The following ASTN2 variants were observed in gnomAD, a reference collection of about 807,000 sequenced individuals.
ASTN2 encodes astrotactin 2.
A neutral mutation model predicts 139.8 loss-of-function variants in ASTN2; 54 were observed. That is an observed-to-expected ratio of 0.39 (90% CI 0.31 to 0.48). The LOEUF is 0.48. Among genes scored for constraint, ASTN2 ranks in the 20% least tolerant of loss-of-function variants. The pLI, the probability that ASTN2 is intolerant of heterozygous loss-of-function variation, is 0.95. For missense variants in ASTN2, 1,565 were observed against 1,725.1 expected (o/e 0.91, Z 1.64); for synonymous variants, 756 against 719.5 (o/e 1.05, Z -0.81).
chr9:117,009,595 A>T (rs2132589119), intron 6 of ASTN2, among the ~76,000 whole-genome samples: 1 of 152,326 alleles, frequency 6.6e-6, no homozygotes, highest in East Asian at 1.9e-4. Flanking sequence ...GACTGATGGC[A>T]GATCTAGAGA....
Position 117,317,371 on chromosome 9 carries a change from G to A in ASTN2, c.443-25858C>T, listed in dbSNP as rs77759861. On this transcript the variant is annotated intron_variant, in intron 1 of 22. Transcript: ENST00000313400. ...ATGACAGGACTAAAATGGAACTTAG[G>A]GGTGGCCCTATCTAGATATTATTCT... Among the ~76,000 whole-genome samples, 1,350 of 152,266 alleles carry A rather than the reference G, an allele frequency of 8.9e-3. 18 individuals carry two copies. Among genetic ancestry groups the A allele is most frequent in the African/African-American group, 0.031 (1,274 of 41,546 alleles).
intron 20 of ASTN2, among the ~76,000 whole-genome samples, chr9:116,483,521 A>G (rs1461682601): frequency 6.6e-5 from 10 of 152,170 alleles, no homozygotes; most frequent in African/African-American, 2.4e-5. Context: ...AGGACCAAGA[A>G]ACTGAGATAC....
intron 13 of ASTN2, among the ~76,000 whole-genome samples, chr9:116,749,930 G>A (rs1345231973): frequency 3.9e-5 from 6 of 152,086 alleles, no homozygotes; most frequent in Non-Finnish European, 7.4e-5. Context: ...CTTCCCAAAA[G>A]CAGATGCTGG....
chr9:116,852,831 T>C (rs191126913), intron 11 of ASTN2, among the ~76,000 whole-genome samples: 316 of 151,104 alleles, frequency 2.1e-3, no homozygotes, highest in Non-Finnish European at 2.6e-3. Flanking sequence ...GCTCTTGTGC[T>C]CTTTAGCCTC....
intron 1 of ASTN2, among the ~76,000 whole-genome samples, chr9:117,398,891 C>T (rs1414706188): frequency 1.3e-5 from 2 of 152,202 alleles, no homozygotes; most frequent in Admixed American, 6.5e-5. Flanking sequence ...AAGCAATTCT[C>T]CTACCTCAGC....
intron 19 of ASTN2, among the ~76,000 whole-genome samples, chr9:116,495,867 G>T (rs927579444): frequency 1.6e-4 from 25 of 152,016 alleles, no homozygotes; most frequent in African/African-American, 3.4e-4. Flanking sequence ...TGCTTCCTCG[G>T]GCCCCTTCTT....
At chr9:117,331,266 G>A (rs1005622895) in intron 1 of ASTN2, among the ~76,000 whole-genome samples, 1 of 152,162 alleles carries the variant, frequency 6.6e-6, no homozygotes, top group Non-Finnish European at 1.5e-5. Context: ...TTCAGGCTTA[G>A]AGCCCGAGGT....
intron 2 of ASTN2, among the ~76,000 whole-genome samples, chr9:117,234,417 C>T (rs920592407): frequency 3.3e-5 from 5 of 152,276 alleles, no homozygotes; most frequent in Middle Eastern, 3.4e-3. Flanking sequence ...TGTCTCCTAC[C>T]GTGCTGAACA....
chr9:116,629,848 A>G (rs1466361439), intron 17 of ASTN2, among the ~76,000 whole-genome samples: 2 of 152,144 alleles, frequency 1.3e-5, no homozygotes, highest in African/African-American at 4.8e-5. Flanking sequence ...AAAAAATATT[A>G]GAGAAATAAA....
intron 19 of ASTN2, among the ~76,000 whole-genome samples, chr9:116,530,121 ATATATATATATATATATATATATATATAT>A (rs1851268186): frequency 4.3e-5 from 2 of 46,370 alleles, no homozygotes; most frequent in African/African-American, 2.0e-4. Flanking sequence ...ATATATATAT[ATATATATATATATATATATATATATATAT>A]AAAATAGAAT....
intron 3 of ASTN2, among the ~76,000 whole-genome samples, chr9:117,142,717 T>A (rs1175470529): frequency 6.6e-6 from 1 of 151,572 alleles, no homozygotes; most frequent in Non-Finnish European, 1.5e-5. Flanking sequence ...CAGAAAAGCT[T>A]GAGAAGGAAG....
intron 17 of ASTN2, among the ~76,000 whole-genome samples, chr9:116,646,637 C>T (rs60847503): frequency 3.3e-5 from 5 of 152,044 alleles, no homozygotes; most frequent in African/African-American, 1.2e-4. Flanking sequence ...GGCACTCCAT[C>T]CCTTAGGCTG....
intron 1 of ASTN2, among the ~76,000 whole-genome samples, chr9:117,330,785 C>T (rs1021568018): frequency 6.6e-6 from 1 of 152,184 alleles, no homozygotes; most frequent in Admixed American, 6.5e-5. Flanking sequence ...AACCATGAAA[C>T]TGAGTCCTGT....
In ASTN2 at chr9:116,523,203, CT is replaced by C. The variant is rs775154721; in HGVS notation, c.3356-35704del. Among the ~76,000 whole-genome samples the C allele has an allele frequency of 6.6e-3, 958 of 144,328 alleles. 3 individuals are homozygous for C. Among genetic ancestry groups the C allele is most frequent in the African/African-American group, 6.8e-3 (267 of 39,544 alleles). The allele number at this position is 144,328 out of a possible 152,430, so 94.7% of individuals were successfully genotyped here. A position where few individuals can be genotyped will look rare whatever the true frequency, so the allele number is the denominator to read the frequency against. Reference sequence around the variant, plus strand: ...CAAGCCCATTATATAATTCAGAGACCTTTTTTTTTTTTTAACGACAGTTATA... The same window carrying C: ...CAAGCCCATTATATAATTCAGAGACCTTTTTTTTTTTTAACGACAGTTATA... On this transcript the variant is annotated intron_variant, in intron 19 of 22. Coordinates refer to ENST00000313400, the MANE Select transcript of ASTN2 (RefSeq NM_001365068.1).
At chr9:116,451,465 G>A (rs1411125846) in intron 20 of ASTN2, among the ~76,000 whole-genome samples, 1 of 151,840 alleles carries the variant, frequency 6.6e-6, no homozygotes, top group Non-Finnish European at 1.5e-5. Flanking sequence ...AAAAAAAAGA[G>A]TGGGGTTTTT....
chr9:117,025,353 GC>G (rs550838909), intron 6 of ASTN2, among the ~76,000 whole-genome samples: 2 of 152,048 alleles, frequency 1.3e-5, no homozygotes, highest in African/African-American at 4.8e-5. Context: ...CTGTACTCAT[GC>G]CCCCCCTTTT....
chr9:117,132,684 C>T (rs1229207391), intron 4 of ASTN2, among the ~76,000 whole-genome samples: 2 of 152,188 alleles, frequency 1.3e-5, no homozygotes, highest in Non-Finnish European at 1.5e-5. Context: ...TTTCTTATGT[C>T]TCAGTACAAT....
At chr9:117,268,239 T>A (rs962861498) in intron 2 of ASTN2, among the ~76,000 whole-genome samples, 8 of 152,192 alleles carry the variant, frequency 5.3e-5, no homozygotes, top group African/African-American at 1.9e-4. Context: ...CCAGCCCTTG[T>A]CATGAAACAG....
chr9:117,227,953 G>A (rs929836615), intron 2 of ASTN2, among the ~76,000 whole-genome samples: 5 of 152,120 alleles, frequency 3.3e-5, no homozygotes, highest in Admixed American at 6.5e-5. Flanking sequence ...ATATCTAGAT[G>A]GAAATCATAG....
Sources: allele counts gnomAD v4.1 joint callset (sites outside exome capture counted in the v4.1 genomes callset), GRCh38; gene constraint gnomAD v4.1.1; transcripts MANE v1.5; gene names NCBI Gene and HGNC (gene_info 2026-07-23, HGNC 2026-07-21).